The following CLN8 variants were observed in gnomAD, a reference collection of about 807,000 sequenced individuals.
The protein encoded by CLN8 is CLN8 transmembrane ER and ERGIC protein.
Under a neutral mutation model 15.7 loss-of-function variants are expected in CLN8, and 14 were observed. The observed-to-expected ratio is 0.89, with a 90% confidence interval of 0.59 to 1.39. The LOEUF (loss-of-function observed/expected upper bound fraction) is 1.39, where lower values mean the gene tolerates loss of function less well. Ranked by LOEUF, CLN8 falls within the 40% of genes most tolerant of loss-of-function variation. CLN8 has a pLI of 0.00. For synonymous variants in CLN8, 188 were observed against 151.0 expected (o/e 1.25, Z -1.80); for missense variants, 415 against 364.0 (o/e 1.14, Z -1.14).
chr8:1,776,764 G>T (rs554095562), intron 2 of CLN8, among the ~76,000 whole-genome samples: 2 of 152,352 alleles, frequency 1.3e-5, no homozygotes, highest in African/African-American at 2.4e-5. Context: ...CCTGACTGCA[G>T]TGCACCCACA....
At chr8:1,757,947 A>G (rs1370929092) in intron 1 of CLN8, among the ~76,000 whole-genome samples, 1 of 152,016 alleles carries the variant, frequency 6.6e-6, no homozygotes, top group Non-Finnish European at 1.5e-5. Flanking sequence ...GTTGGAGGAG[A>G]CTTTAGGGAC....
At chr8:1,777,334 C>A (rs572377814) in intron 2 of CLN8, among the ~76,000 whole-genome samples, 1 of 152,110 alleles carries the variant, frequency 6.6e-6, no homozygotes, top group East Asian at 1.9e-4. Context: ...AGCTGCTCTG[C>A]GAGAGTCACA....
chr8:1,768,892 A>T (rs1035446347), intron 1 of CLN8, among the ~76,000 whole-genome samples: 1 of 152,196 alleles, frequency 6.6e-6, no homozygotes, highest in Non-Finnish European at 1.5e-5. Context: ...GTGTAAGTAC[A>T]CTGGAGTCTT....
intron 2 of CLN8, among the ~76,000 whole-genome samples, chr8:1,779,230 C>T (rs934402791): frequency 3.3e-5 from 5 of 152,112 alleles, no homozygotes; most frequent in African/African-American, 7.2e-5. Context: ...ACCAGAAGAA[C>T]GTGTTAGAAT....
chr8:1,759,234 A>T (rs1800737628), upstream of CLN8: 1 of 152,240 alleles, frequency 6.6e-6, no homozygotes, highest in African/African-American at 2.4e-5. Flanking sequence ...TCTAAGGTTT[A>T]CTTTGGAAAG....
At chr8:1,758,827 G>GT (rs948694778), upstream of CLN8, 5 of 152,248 alleles carry the variant, frequency 3.3e-5, no homozygotes, top group South Asian at 2.1e-4. Context: ...GGAGACCAAG[G>GT]TTTTTTATCT....
chr8:1,767,656 C>T (rs1450213949), intron 1 of CLN8, among the ~76,000 whole-genome samples: 2 of 150,098 alleles, frequency 1.3e-5, no homozygotes, highest in Non-Finnish European at 3.0e-5. Flanking sequence ...ACTGCCACCT[C>T]CACCTCCCGG....
At chr8:1,777,233 A>G (rs961265669) in intron 2 of CLN8, among the ~76,000 whole-genome samples, 42 of 152,146 alleles carry the variant, frequency 2.8e-4, no homozygotes, top group African/African-American at 1.0e-3. Context: ...ATACCTAAAC[A>G]TAGAAAGGTA....
chr8:1,771,634 C>T (rs974289528), intron 2 of CLN8, 37 bp downstream of exon 2: 1 of 1,586,208 alleles, frequency 6.3e-7, no homozygotes, highest in Admixed American at 1.7e-5. Flanking sequence ...ACATGTGCCT[C>T]ACGCATTTAA....
intron 2 of CLN8, chr8:1,772,805 T>G (rs1563109249): frequency 7.6e-6 from 3 of 392,284 alleles, no homozygotes; most frequent in Non-Finnish European, 1.3e-5. Context: ...CATAGATTCT[T>G]GCTATCTTTT....
intron 1 of CLN8, chr8:1,765,048 C>T (rs1800993035): frequency 6.6e-6 from 1 of 152,250 alleles, no homozygotes; most frequent in South Asian, 2.1e-4. Flanking sequence ...AGCTTGAACA[C>T]TTCTGTGCCT....
intron 2 of CLN8, among the ~76,000 whole-genome samples, chr8:1,777,650 A>T (rs945566741): frequency 3.3e-5 from 5 of 152,162 alleles, no homozygotes; most frequent in African/African-American, 7.2e-5. Context: ...TCTAAGATGC[A>T]AATACACATT....
At chr8:1,754,140 C>A (rs1206462030), upstream of CLN8, among the ~76,000 whole-genome samples, 1 of 152,184 alleles carries the variant, frequency 6.6e-6, no homozygotes, top group Non-Finnish European at 1.5e-5. Flanking sequence ...GCGTTACTAG[C>A]ACTGCACATA....
chr8:1,773,576 C>T (rs1280438972), intron 2 of CLN8: 1 of 152,212 alleles, frequency 6.6e-6, no homozygotes, highest in Non-Finnish European at 1.5e-5. Flanking sequence ...TGACCTGGGA[C>T]CCCATCAGCA....
intron 1 of CLN8, among the ~76,000 whole-genome samples, chr8:1,767,474 C>T: frequency 6.6e-6 from 1 of 151,322 alleles, no homozygotes; most frequent in East Asian, 1.9e-4. Flanking sequence ...GACCTGGTAG[C>T]TATTTGCTCT....
At chr8:1,757,029 C>G (rs1800687312) in intron 1 of CLN8, among the ~76,000 whole-genome samples, 1 of 152,102 alleles carries the variant, frequency 6.6e-6, no homozygotes, top group Admixed American at 6.5e-5. Context: ...TTAGGTCACC[C>G]AAGTGCCATT....
chr8:1,759,878 A>C (rs4639549), upstream of CLN8: 1 of 152,162 alleles, frequency 6.6e-6, no homozygotes, highest in Non-Finnish European at 1.5e-5. Context: ...CCTCTCGCTC[A>C]TTATACATCC....
chr8:1,757,936 T>C (rs1800709816), intron 1 of CLN8, among the ~76,000 whole-genome samples: 1 of 152,196 alleles, frequency 6.6e-6, no homozygotes, highest in Non-Finnish European at 1.5e-5. Context: ...CTAGCTTTCA[T>C]GTTGGAGGAG....
At chr8:1,777,433 A>T (rs1278037324) in intron 2 of CLN8, among the ~76,000 whole-genome samples, 2 of 152,304 alleles carry the variant, frequency 1.3e-5, no homozygotes, top group South Asian at 2.1e-4. Context: ...CTAAATTTAT[A>T]TAAAAAAATT....
Sources: allele counts gnomAD v4.1 joint callset (sites outside exome capture counted in the v4.1 genomes callset), GRCh38; gene constraint gnomAD v4.1.1; transcripts MANE v1.5; gene names NCBI Gene and HGNC (gene_info 2026-07-23, HGNC 2026-07-21).